Variants in RBFOX1 observed in about 807,000 individuals in gnomAD.
RBFOX1 encodes the protein RNA binding fox-1 homolog 1, also known as RNA binding protein fox-1 homolog 1.
In RBFOX1, 8 loss-of-function variants were observed where a neutral mutation model predicts 57.7. That is an observed-to-expected ratio of 0.14 (90% CI 0.08 to 0.25). The LOEUF is 0.25. Among genes scored for constraint, RBFOX1 ranks in the 10% least tolerant of loss-of-function variants. RBFOX1 has a pLI of 1.00. For synonymous variants in RBFOX1, 326 were observed against 222.4 expected, an observed-to-expected ratio of 1.47 and a Z score of -4.15; for missense variants, 611 against 548.5, an observed-to-expected ratio of 1.11 and a Z score of -1.14.
chr16:5,362,394 C>G (rs372805747), intron 1 of RBFOX1, among the ~76,000 whole-genome samples: 4 of 152,254 alleles, frequency 2.6e-5, no homozygotes, highest in African/African-American at 7.2e-5. Flanking sequence ...CAGAGTTTCG[C>G]TCTTGTTGCC....
intron 4 of RBFOX1, among the ~76,000 whole-genome samples, chr16:7,384,504 A>G (rs1309827383): frequency 1.3e-5 from 2 of 152,144 alleles, no homozygotes; most frequent in African/African-American, 4.8e-5. Context: ...GCTGAGTTTG[A>G]ATGACATTTC....
intron 2 of RBFOX1, among the ~76,000 whole-genome samples, chr16:6,464,667 G>A (rs1035358422): frequency 3.9e-5 from 6 of 152,162 alleles, no homozygotes; most frequent in Non-Finnish European, 7.4e-5. Context: ...TTAATTCTTC[G>A]CAATGATTCA....
At chr16:7,616,513 T>C (rs777284135) in intron 10 of RBFOX1, among the ~76,000 whole-genome samples, 1 of 152,338 alleles carries the variant, frequency 6.6e-6, no homozygotes, top group South Asian at 2.1e-4. Flanking sequence ...CCATAAACAA[T>C]TGGATCAAAC....
intron 3 of RBFOX1, among the ~76,000 whole-genome samples, chr16:5,635,506 A>G (rs1272649250): frequency 2.0e-5 from 3 of 152,188 alleles, no homozygotes; most frequent in East Asian, 3.8e-4. Context: ...TCTGGCTTTG[A>G]GTGACAAATG....
intron 4 of RBFOX1, among the ~76,000 whole-genome samples, chr16:7,192,598 G>C (rs1392927602): frequency 6.6e-6 from 1 of 152,104 alleles, no homozygotes; most frequent in Non-Finnish European, 1.5e-5. Flanking sequence ...CCAGACACAC[G>C]AAAAGGGGGC....
At chr16:5,945,945 C>T (rs961726059) in intron 4 of RBFOX1, among the ~76,000 whole-genome samples, 7 of 152,220 alleles carry the variant, frequency 4.6e-5, no homozygotes, top group African/African-American at 1.4e-4. Flanking sequence ...GTGTGCTTCA[C>T]ATCCTCCTTT....
chr16:6,020,495 G>A (rs1231463093), intron 1 of RBFOX1, among the ~76,000 whole-genome samples: 1 of 152,164 alleles, frequency 6.6e-6, no homozygotes, highest in Non-Finnish European at 1.5e-5. Context: ...GCTCACTTAT[G>A]TGGAGAAAGC....
intron 3 of RBFOX1, among the ~76,000 whole-genome samples, chr16:5,803,021 T>G (rs544239137): frequency 3.3e-5 from 5 of 152,328 alleles, no homozygotes; most frequent in Admixed American, 2.6e-4. Context: ...GACAGACATG[T>G]ACTTGGGTAA....
At chr16:5,390,928 C>A (rs1343220441) in intron 1 of RBFOX1, among the ~76,000 whole-genome samples, 1 of 152,176 alleles carries the variant, frequency 6.6e-6, no homozygotes, top group Admixed American at 6.6e-5. Context: ...AGACTAGATG[C>A]CAGTGGTGCG....
chr16:6,547,999 C>T (rs563365855), intron 2 of RBFOX1, among the ~76,000 whole-genome samples: 1 of 152,296 alleles, frequency 6.6e-6, no homozygotes, highest in Admixed American at 6.5e-5. Context: ...GTCCTTTAAT[C>T]ATAGCCCTTA....
In RBFOX1 at chr16:5,943,409, C is replaced by T. The variant is rs116333481; in HGVS notation, c.351+76074C>T. Among the ~76,000 whole-genome samples the T allele has an allele frequency of 1.9e-3, 290 of 152,160 alleles. 2 individuals carry two copies. The highest frequency in any genetic ancestry group is 6.4e-3 in the African/African-American group (267 of 41,490). On this transcript the variant is annotated intron_variant, in intron 4 of 19. Coordinates refer to the RBFOX1 transcript ENST00000641259. ...CCCTGGGTCCACATACCCAGGTGCT[C>T]GTTTAAGTGGAGAAACAGCAGGAAA...
chr16:6,113,728 T>A (rs1356180309), intron 1 of RBFOX1, among the ~76,000 whole-genome samples: 1 of 152,238 alleles, frequency 6.6e-6, no homozygotes, highest in African/African-American at 2.4e-5. Context: ...TTTGGAGTTA[T>A]GGGAGTGGCA....
In RBFOX1 at chr16:7,127,817, A is replaced by G. The variant is rs965961976; in HGVS notation, c.27+75719A>G. ...ATCTTGGTAGGATGACCTGACTGAG[A>G]GCAAAGGTCGTTTGCAAGCATATAA... On this transcript the variant is annotated intron_variant, in intron 4 of 15. Transcript: ENST00000550418. Among the ~76,000 whole-genome samples, 11 of 152,308 alleles carry G rather than the reference A, an allele frequency of 7.2e-5. 1 individual carries two copies. The highest frequency in any genetic ancestry group is 3.9e-4 in the Admixed American group (6 of 15,304).
chr16:7,651,013 C>T (rs1157950893), intron 11 of RBFOX1, among the ~76,000 whole-genome samples: 1 of 152,074 alleles, frequency 6.6e-6, no homozygotes, highest in Non-Finnish European at 1.5e-5. Flanking sequence ...AACTCAGGTG[C>T]TAGGAGCTGG....
intron 3 of RBFOX1, among the ~76,000 whole-genome samples, chr16:6,787,354 C>G (rs558000654): frequency 2.7e-4 from 41 of 152,246 alleles, no homozygotes; most frequent in South Asian, 4.1e-4. Context: ...GAAGTTCTTT[C>G]AACTTAGGAT....
At chr16:5,381,330 A>G (rs1399458921) in intron 1 of RBFOX1, among the ~76,000 whole-genome samples, 2 of 152,264 alleles carry the variant, frequency 1.3e-5, no homozygotes, top group Non-Finnish European at 2.9e-5. Context: ...ACGACAATAC[A>G]AATAATTAAT....
chr16:5,750,139 C>T (rs1300640672), intron 3 of RBFOX1, among the ~76,000 whole-genome samples: 1 of 152,080 alleles, frequency 6.6e-6, no homozygotes, highest in East Asian at 1.9e-4. Flanking sequence ...CATTCCAGAC[C>T]CTGTTTGCCT....
At chr16:6,662,834 T>C (rs1329911124) in intron 3 of RBFOX1, among the ~76,000 whole-genome samples, 4 of 152,226 alleles carry the variant, frequency 2.6e-5, no homozygotes, top group Non-Finnish European at 5.9e-5. Flanking sequence ...TTTCTGCTCT[T>C]TCTGTTTACT....
intron 3 of RBFOX1, among the ~76,000 whole-genome samples, chr16:6,737,564 G>A (rs2070754342): frequency 6.6e-6 from 1 of 152,182 alleles, no homozygotes; most frequent in Non-Finnish European, 1.5e-5. Flanking sequence ...TTTAAATCTG[G>A]ACTCTGCTTC....
Sources: gnomAD v4.1 joint callset for allele counts (sites outside exome capture counted in the v4.1 genomes callset) on GRCh38, gnomAD v4.1.1 for gene constraint, MANE v1.5 for transcripts, NCBI Gene and HGNC (gene_info 2026-07-23, HGNC 2026-07-21) for gene names.